The following LRP1B variants were observed in gnomAD, a reference collection of about 807,000 sequenced individuals.
The protein encoded by LRP1B is LDL receptor related protein 1B, also known as low-density lipoprotein receptor-related protein 1B.
In LRP1B, 217 loss-of-function variants were observed where a neutral mutation model predicts 556.6. The observed-to-expected ratio is 0.39, with a 90% CI of 0.35 to 0.44. The LOEUF is 0.44. Ranked by LOEUF, LRP1B falls within the 20% of genes least tolerant of loss-of-function variation. The probability of loss-of-function intolerance (pLI) is 1.00; values close to 1 mark genes in which losing one functional copy is unlikely to be tolerated. For missense variants in LRP1B, 5,053 were observed against 5,620.8 expected, an observed-to-expected ratio of 0.90 and a Z score of 3.23; for synonymous variants, 2,047 against 1,865.8, an observed-to-expected ratio of 1.10 and a Z score of -2.50.
intron 83 of LRP1B, among the ~76,000 whole-genome samples, chr2:140,308,330 T>C (rs986854759): frequency 1.3e-5 from 2 of 151,690 alleles, no homozygotes; most frequent in African/African-American, 4.8e-5. Flanking sequence ...AGTTATGTTA[T>C]GATTTATTTT....
chr2:141,166,466 A>C (rs1045238977), intron 7 of LRP1B, among the ~76,000 whole-genome samples: 3 of 151,154 alleles, frequency 2.0e-5, no homozygotes, highest in Non-Finnish European at 4.4e-5. Flanking sequence ...CATATAATGC[A>C]TAACAATCAT....
rs550868834 is a variant in LRP1B, at chr2:141,046,714, C to T, written c.1789+2272G>A. Among the ~76,000 whole-genome samples, 195 of 152,156 alleles carry T rather than the reference C, an allele frequency of 1.3e-3. No homozygotes were observed. The South Asian group carries it at 0.017, about 13-fold the overall frequency. ...AAGTTAAGATTATTAGCAGGAACATCCAGTCATAGTACAGGAGCTGACACA... is the reference window on the plus strand; with the variant it reads ...AAGTTAAGATTATTAGCAGGAACATTCAGTCATAGTACAGGAGCTGACACA... On this transcript the variant is annotated intron_variant, in intron 11 of 90. Coordinates refer to ENST00000389484, the MANE Select transcript of LRP1B (RefSeq NM_018557.3).
intron 41 of LRP1B, among the ~76,000 whole-genome samples, chr2:140,608,614 T>G (rs1000042602): frequency 6.6e-6 from 1 of 152,212 alleles, no homozygotes; most frequent in African/African-American, 2.4e-5. Flanking sequence ...AGGCAAGCTT[T>G]TATTGTCATC....
intron 2 of LRP1B, among the ~76,000 whole-genome samples, chr2:141,767,728 G>A (rs1694772164): frequency 6.6e-6 from 1 of 152,152 alleles, no homozygotes; most frequent in Admixed American, 6.5e-5. Context: ...GCCTGTGGGA[G>A]CCAGAGAATT....
At chr2:141,711,343 A>G (rs1219166766) in intron 2 of LRP1B, among the ~76,000 whole-genome samples, 2 of 152,224 alleles carry the variant, frequency 1.3e-5, no homozygotes, top group African/African-American at 4.8e-5. Context: ...AACTAGACCA[A>G]TAATGAAATC....
intron 22 of LRP1B, among the ~76,000 whole-genome samples, chr2:140,906,241 T>C (rs1457442471): frequency 6.6e-6 from 1 of 152,124 alleles, no homozygotes; most frequent in Non-Finnish European, 1.5e-5. Flanking sequence ...TTTTTTGAAA[T>C]GTTTGGGCAA....
intron 6 of LRP1B, among the ~76,000 whole-genome samples, chr2:141,228,582 A>AGTGT (rs3063860): frequency 0.19 from 27,336 of 146,210 alleles, 2,875 homozygotes; most frequent in Non-Finnish European, 0.24. Context: ...TGTGTGTATG[A>AGTGT]GTGTGTGTGT....
At chr2:141,831,636 C>T (rs1272006734) in intron 1 of LRP1B, among the ~76,000 whole-genome samples, 1 of 151,558 alleles carries the variant, frequency 6.6e-6, no homozygotes. Context: ...TGGAATCAGA[C>T]ATTTGGGGCA....
chr2:140,295,355 G>T (rs752165131), intron 84 of LRP1B, among the ~76,000 whole-genome samples: 5 of 152,132 alleles, frequency 3.3e-5, no homozygotes, highest in Non-Finnish European at 5.9e-5. Context: ...AATATGATAA[G>T]AATAAACAAT....
intron 7 of LRP1B, among the ~76,000 whole-genome samples, chr2:141,125,720 G>C (rs1358831412): frequency 6.6e-6 from 1 of 151,704 alleles, no homozygotes; most frequent in Admixed American, 6.6e-5. Context: ...TCTTCTCTCT[G>C]TGTACTTTAT....
intron 7 of LRP1B, among the ~76,000 whole-genome samples, chr2:141,170,380 C>T (rs1357046748): frequency 6.6e-6 from 1 of 152,056 alleles, no homozygotes; most frequent in African/African-American, 2.4e-5. Context: ...TATGGGGATA[C>T]TGGTACTTTC....
At chr2:142,031,341 T>TTTTTTTA (rs1703698501) in intron 1 of LRP1B, among the ~76,000 whole-genome samples, 2 of 126,004 alleles carry the variant, frequency 1.6e-5, no homozygotes, top group East Asian at 3.3e-4. Context: ...TTTTTTTTTT[T>TTTTTTTA]TTTTTTTATT....
intron 35 of LRP1B, among the ~76,000 whole-genome samples, chr2:140,745,055 G>A (rs1320284657): frequency 6.6e-6 from 1 of 152,124 alleles, no homozygotes; most frequent in East Asian, 1.9e-4. Context: ...TTTAAAAACA[G>A]AAAAGGAAAT....
At chr2:141,510,731 A>G (rs912668309) in intron 2 of LRP1B, among the ~76,000 whole-genome samples, 12 of 152,000 alleles carry the variant, frequency 7.9e-5, no homozygotes, top group African/African-American at 2.7e-4. Context: ...CTAAAATAAC[A>G]TTTCCATCAT....
chr2:140,462,736 C>T (rs1191935367), intron 60 of LRP1B, among the ~76,000 whole-genome samples: 1 of 152,174 alleles, frequency 6.6e-6, no homozygotes, highest in Non-Finnish European at 1.5e-5. Context: ...AGAACTCCCA[C>T]TAACTAATAT....
chr2:141,921,383 A>AAGG (rs1700180754), intron 1 of LRP1B, among the ~76,000 whole-genome samples: 1 of 152,014 alleles, frequency 6.6e-6, no homozygotes, highest in Non-Finnish European at 1.5e-5. Context: ...ATCTTTCAGA[A>AAGG]TCTGGAGATT....
intron 86 of LRP1B, among the ~76,000 whole-genome samples, chr2:140,269,547 G>A (rs1358533848): frequency 1.3e-5 from 2 of 151,940 alleles, no homozygotes; most frequent in African/African-American, 4.8e-5. Context: ...TGACAAGGTC[G>A]GGAGCAGGAT....
intron 41 of LRP1B, among the ~76,000 whole-genome samples, chr2:140,652,282 G>A (rs112230047): frequency 0.062 from 9,409 of 151,780 alleles, 335 homozygotes; most frequent in Admixed American, 0.078. Context: ...TAAATTCACA[G>A]AGATAAATAT....
At chr2:141,008,259 A>C (rs888660448) in intron 14 of LRP1B, among the ~76,000 whole-genome samples, 1 of 151,488 alleles carries the variant, frequency 6.6e-6, no homozygotes. Context: ...TACTTTACAT[A>C]TACATTATAT....
Sources: allele counts gnomAD v4.1 joint callset (sites outside exome capture counted in the v4.1 genomes callset), GRCh38; gene constraint gnomAD v4.1.1; transcripts MANE v1.5; gene names NCBI Gene and HGNC (gene_info 2026-07-23, HGNC 2026-07-21).